The following CLPSL1 variants were observed in gnomAD, a reference collection of about 807,000 sequenced individuals.
The protein encoded by CLPSL1 is colipase like 1.
A neutral mutation model predicts 9.3 loss-of-function variants in CLPSL1; 13 were observed. The observed-to-expected ratio is 1.40, with a 90% confidence interval of 0.91 to 2.22. The LOEUF is 2.22. Among genes scored for constraint, CLPSL1 ranks in the 30% most tolerant of loss-of-function variants. CLPSL1 has a pLI of 0.00. For missense variants in CLPSL1, 164 were observed against 146.6 expected, an observed-to-expected ratio of 1.12 and a Z score of -0.61; for synonymous variants, 58 against 56.9, an observed-to-expected ratio of 1.02 and a Z score of -0.08.
At position 35,787,142 on chromosome 6, in the gene CLPSL1, G is replaced by C. The variant is rs1405831310; in HGVS notation, c.222+22G>C. On this transcript the variant is annotated intron_variant, in intron 2 of 2. Transcript: ENST00000373861. ...GCAGGTGGGTATCGCCGCCCGGGGGGAGCCAGAGGGGATCCAGGGGAAGTG... is the reference window on the plus strand; with the variant it reads ...GCAGGTGGGTATCGCCGCCCGGGGGCAGCCAGAGGGGATCCAGGGGAAGTG... 4 of 1,609,786 alleles carry C rather than the reference G, an allele frequency of 2.5e-6. No individual in the cohort carries two copies. In the South Asian group the frequency reaches 4.4e-5, roughly 18 times the overall value.
In CLPSL1 at chr6:35,781,101, C is replaced by T; in HGVS notation, c.-10C>T. The stretch of plus-strand genomic sequence containing the variant: ...CTGGACCCTAGAAAAGCCACCACGA[C>T]CTGTGGGCCATGATGCTACCCCAAT... On this transcript the variant is annotated 5_prime_UTR_variant, in exon 1 of 3. Coordinates refer to ENST00000373861, the MANE Select transcript of CLPSL1 (RefSeq NM_001010886.5). 6.2e-7 allele frequency: 1 copy of T among 1,613,640 alleles called. No individual in the cohort carries two copies. Among genetic ancestry groups the T allele is most frequent in the Middle Eastern group, 1.7e-4 (1 of 6,020 alleles).
At chr6:35,788,285 G>T (rs939783341), downstream of CLPSL1, 39 of 448,972 alleles carry the variant, frequency 8.7e-5, no homozygotes, top group African/African-American at 6.6e-4. Context: ...TTCCCCAGTT[G>T]GGGCATGAAT....
intron 1 of CLPSL1, among the ~76,000 whole-genome samples, chr6:35,782,883 C>T (rs1561939345): frequency 6.6e-6 from 1 of 152,024 alleles, no homozygotes; most frequent in Non-Finnish European, 1.5e-5. Context: ...TCCTCCTTTC[C>T]TGCCTTATTT....
At chr6:35,792,348 T>A (rs1161272241), downstream of CLPSL1, among the ~76,000 whole-genome samples, 2 of 152,252 alleles carry the variant, frequency 1.3e-5, no homozygotes, top group East Asian at 3.8e-4. Flanking sequence ...TTAAATGTGC[T>A]CAATCAGAAT....
intron 1 of CLPSL1, 62 bp from the exon 2 acceptor site, chr6:35,786,936 G>T: frequency 1.3e-6 from 2 of 1,534,364 alleles, no homozygotes; most frequent in Non-Finnish European, 1.8e-6. Flanking sequence ...AAAGCCCCAG[G>T]CGGGGCGGCG....
chr6:35,788,127 T>A lies in CLPSL1; in HGVS notation c.*117T>A, dbSNP rs761609708. 2.1e-6 allele frequency: 2 copies of A among 938,862 alleles called. No individual in the cohort carries two copies. The highest frequency in any genetic ancestry group is 3.6e-5 in the Admixed American group (2 of 55,940). 58.2% of individuals were successfully genotyped at this position (938,862 alleles called of 1,614,324 possible). ...ATGAGTGGAGGGAAGTGGGGAGTGA[T>A]TGAAATAAAGAGCTTTTTCAATGTT... On this transcript the variant is annotated 3_prime_UTR_variant, in exon 3 of 3. Coordinates refer to ENST00000373861, the MANE Select transcript of CLPSL1 (RefSeq NM_001010886.5).
chr6:35,783,275 C>G (rs961495116), intron 1 of CLPSL1, among the ~76,000 whole-genome samples: 4 of 152,198 alleles, frequency 2.6e-5, no homozygotes, highest in African/African-American at 4.8e-5. Context: ...CTTTGGAAGG[C>G]CGAGGCAAGT....
At position 35,781,125 on chromosome 6, in the gene CLPSL1, A is replaced by G. The variant is rs201497418; in HGVS notation, c.15A>G (p.Gln5=). 5.0e-6 allele frequency: 8 copies of G among 1,613,956 alleles called. No individual in the cohort carries two copies. Among genetic ancestry groups the G allele is most frequent in the African/African-American group, 2.7e-5 (2 of 75,018 alleles). The part of the protein sequence containing the change: MMLP[Q]WLLLLFLLFF... ...ACCTGTGGGCCATGATGCTACCCCA[A>G]TGGCTGCTGCTGCTGTTCCTTCTCT... Residue 5 remains glutamine (Q), a synonymous_variant, in exon 1 of 3, where the codon CAA becomes CAG. Transcript: ENST00000373861.
downstream of CLPSL1, among the ~76,000 whole-genome samples, chr6:35,788,408 C>T (rs9462111): frequency 0.015 from 2,237 of 152,234 alleles, 53 homozygotes; most frequent in African/African-American, 0.051. Flanking sequence ...TATTCCAGTT[C>T]CACGACCTTA....
chr6:35,781,689 C>T (rs544736133), intron 1 of CLPSL1, among the ~76,000 whole-genome samples: 9 of 150,132 alleles, frequency 6.0e-5, no homozygotes, highest in African/African-American at 1.5e-4. Context: ...AAATAAGAAT[C>T]GAGCTGTGGG....
In CLPSL1 at chr6:35,781,340, G is replaced by A. The variant is rs1029366699; in HGVS notation, c.99+131G>A. 3.4e-5 allele frequency: 46 copies of A among 1,355,382 alleles called. No homozygotes were observed. The African/African-American group carries it at 6.4e-4, about 19-fold the overall frequency. 84.0% of individuals were successfully genotyped at this position (1,355,382 alleles called of 1,614,324 possible). A position where few individuals can be genotyped will look rare whatever the true frequency, so the allele number is the denominator to read the frequency against. ...GTGGGGGCAGCAGGGAGTGTTGGGT[G>A]GAAGATGTCTCGGAGGAAAGAGAGA... is the stretch of plus-strand genomic sequence containing the variant. On this transcript the variant is annotated intron_variant, in intron 1 of 2. Coordinates refer to ENST00000373861, the MANE Select transcript of CLPSL1 (RefSeq NM_001010886.5).
chr6:35,787,207 G>A (rs1229856253), intron 2 of CLPSL1, 87 bp downstream of exon 2: 6 of 1,472,826 alleles, frequency 4.1e-6, no homozygotes, highest in Non-Finnish European at 3.7e-6. Context: ...AGGAAAGAAG[G>A]GTAGGTGGGC....
rs957986343 is a variant in CLPSL1, at chr6:35,784,142, C to G, written c.100-2856C>G. On this transcript the variant is annotated intron_variant, in intron 1 of 2. Transcript: ENST00000373861. Reference sequence around the variant, plus strand: ...AGTCAGTACCTGTAAGATTTACATTCGTTTGATCTGGAAGGGTGGGACAAC... The same window carrying G: ...AGTCAGTACCTGTAAGATTTACATTGGTTTGATCTGGAAGGGTGGGACAAC... Among the ~76,000 whole-genome samples, 4 of 151,966 alleles carry G rather than the reference C, an allele frequency of 2.6e-5. No homozygotes were observed. In the South Asian group the frequency reaches 8.3e-4, roughly 32 times the overall value.
chr6:35,783,677 G>A lies in CLPSL1; in HGVS notation c.99+2468G>A, dbSNP rs536449182. 7.3e-5 allele frequency among the ~76,000 whole-genome samples: 11 copies of A among 149,922 alleles called. No individual in the cohort carries two copies. The East Asian group carries it at 8.0e-4, about 11-fold the overall frequency. ...AAAAAAATTAGCTGTGCGTGGTGGC[G>A]GGTGCCTGTAATCCCAGCTACTCAG... On this transcript the variant is annotated intron_variant, in intron 1 of 2. Transcript: ENST00000373861.
rs774480808 is a variant in CLPSL1 at position 35,781,165 on chromosome 6, C to T, written c.55C>T (p.Leu19Phe). ...GTTCCTTCTCTTCTTCTTTCTCTTC[C>T]TCCTCACCAGGGGCTCACTTTCTCC... is the stretch of plus-strand genomic sequence containing the variant. ...LLFLLFFFLF[L>F]LTRGSLSPTK... Residue 19 changes from leucine to phenylalanine, a missense_variant, in exon 1 of 3, where the codon CTC (leucine) becomes TTC (phenylalanine). Leu to Phe is a conservative substitution (Grantham distance 22). Transcript: ENST00000373861. 7 of 1,613,944 alleles carry T rather than the reference C, an allele frequency of 4.3e-6. No homozygotes were observed. In the South Asian group the frequency reaches 7.7e-5, roughly 18 times the overall value.
At chr6:35,783,669 G>A (rs990488727) in intron 1 of CLPSL1, among the ~76,000 whole-genome samples, 1 of 151,866 alleles carries the variant, frequency 6.6e-6, no homozygotes, top group African/African-American at 2.4e-5. Context: ...TTAGCTGTGC[G>A]TGGTGGCGGG....
Position 35,787,131 on chromosome 6 carries a change from C to T in CLPSL1, c.222+11C>T. On this transcript the variant is annotated intron_variant, in intron 2 of 2. Coordinates refer to ENST00000373861, the MANE Select transcript of CLPSL1 (RefSeq NM_001010886.5). ...CTGTGTCAAACGCAGGTGGGTATCG[C>T]CGCCCGGGGGGAGCCAGAGGGGATC... The T allele has an allele frequency of 1.9e-6, 3 of 1,611,140 alleles. No homozygotes were observed. The highest frequency in any genetic ancestry group is 1.1e-5 in the South Asian group (1 of 90,326).
intron 1 of CLPSL1, among the ~76,000 whole-genome samples, chr6:35,785,676 T>A (rs1336099524): frequency 6.6e-6 from 1 of 152,164 alleles, no homozygotes; most frequent in Non-Finnish European, 1.5e-5. Flanking sequence ...ATTATCATTT[T>A]TAGAGAGGCA....
At chr6:35,782,961 G>A (rs1185134009) in intron 1 of CLPSL1, among the ~76,000 whole-genome samples, 2 of 152,020 alleles carry the variant, frequency 1.3e-5, no homozygotes, top group Admixed American at 6.6e-5. Flanking sequence ...TTATTGTTAT[G>A]TATATAACAT....
Sources: gnomAD v4.1 joint callset for allele counts (sites outside exome capture counted in the v4.1 genomes callset) on GRCh38, gnomAD v4.1.1 for gene constraint, MANE v1.5 for transcripts, NCBI Gene and HGNC (gene_info 2026-07-23, HGNC 2026-07-21) for gene names.